FRMPD4: variants seen among roughly 807,000 people sequenced by gnomAD.
The protein encoded by FRMPD4 is FERM and PDZ domain containing 4.
FRMPD4 carries 22 observed loss-of-function variants against 94.1 expected under a neutral mutation model. The ratio of observed to expected loss-of-function variants is 0.23; its 90% CI spans 0.17 to 0.33. The LOEUF (loss-of-function observed/expected upper bound fraction) is 0.33, where lower values mean the gene tolerates loss of function less well. FRMPD4 is among the 10% of genes least tolerant of loss of function. The pLI is 1.00. For synonymous variants in FRMPD4, 631 were observed against 548.6 expected, an observed-to-expected ratio of 1.15 and a Z score of -2.10; for missense variants, 1,111 against 1,339.9, an observed-to-expected ratio of 0.83 and a Z score of 2.67.
At chrX:12,204,651 A>G (rs1057493062) in intron 1 of FRMPD4, among the ~76,000 whole-genome samples, 25 of 97,341 alleles carry the variant, frequency 2.6e-4, no homozygotes, top group African/African-American at 8.7e-4. Context: ...CTCCTTTTCC[A>G]GAGTCTCATC....
chrX:12,111,663 A>T (rs1192152562), intron 3 of FRMPD4, among the ~76,000 whole-genome samples: 2 of 111,886 alleles, frequency 1.8e-5, no homozygotes, highest in Non-Finnish European at 3.8e-5. Context: ...ATTTTTGCAA[A>T]CTACTCATCT....
At chrX:11,941,151 G>A (rs2054157573) in intron 3 of FRMPD4, among the ~76,000 whole-genome samples, 1 of 49,324 alleles carries the variant, frequency 2.0e-5, no homozygotes, top group Non-Finnish European at 4.2e-5. Flanking sequence ...TTCGGCTCGC[G>A]CACGGTGCGC....
At chrX:12,707,705 T>C (rs2041905327) in intron 13 of FRMPD4, 54 bp downstream of exon 13, 2 of 948,354 alleles carry the variant, frequency 2.1e-6, no homozygotes, top group Non-Finnish European at 3.0e-6. Context: ...TAATTTCTGA[T>C]AACACTGCAG....
chrX:11,914,801 T>C (rs2054015908), intron 3 of FRMPD4, among the ~76,000 whole-genome samples: 1 of 112,209 alleles, frequency 8.9e-6, no homozygotes, highest in Admixed American at 9.4e-5. Context: ...TTATTCTCTG[T>C]GTACTGTTCT....
chrX:12,059,768 T>C (rs1258912002), intron 3 of FRMPD4, among the ~76,000 whole-genome samples: 1 of 111,516 alleles, frequency 9.0e-6, no homozygotes, highest in Non-Finnish European at 1.9e-5. Context: ...TGCATCCATG[T>C]TGCTGCAAAG....
intron 3 of FRMPD4, among the ~76,000 whole-genome samples, chrX:12,115,968 C>G (rs2055405460): frequency 8.9e-6 from 1 of 112,102 alleles, no homozygotes; most frequent in Non-Finnish European, 1.9e-5. Context: ...TGGCCTGTTG[C>G]CACTAACATC....
At chrX:12,360,198 G>A (rs1327550564) in intron 1 of FRMPD4, among the ~76,000 whole-genome samples, 1 of 111,955 alleles carries the variant, frequency 8.9e-6, no homozygotes, top group Non-Finnish European at 1.9e-5. Flanking sequence ...TGATATTTTA[G>A]GTTATGGACC....
intron 1 of FRMPD4, among the ~76,000 whole-genome samples, chrX:12,427,313 A>G (rs2056956801): frequency 9.0e-6 from 1 of 111,205 alleles, no homozygotes; most frequent in Admixed American, 9.6e-5. Flanking sequence ...CTCTCAGGGA[A>G]AAAAACAGTC....
intron 3 of FRMPD4, among the ~76,000 whole-genome samples, chrX:11,974,769 G>A (rs2054358761): frequency 1.8e-5 from 2 of 111,649 alleles, no homozygotes; most frequent in Non-Finnish European, 3.8e-5. Context: ...TGAAAGGAGG[G>A]CTTGTGGCTG....
intron 1 of FRMPD4, among the ~76,000 whole-genome samples, chrX:12,208,858 C>G (rs2056725435): frequency 9.0e-6 from 1 of 111,589 alleles, no homozygotes; most frequent in Non-Finnish European, 1.9e-5. Context: ...TGGAATAATT[C>G]AATTGGAGAT....
At chrX:12,558,535 T>C (rs918145530) in intron 2 of FRMPD4, among the ~76,000 whole-genome samples, 4 of 112,632 alleles carry the variant, frequency 3.6e-5, no homozygotes, top group African/African-American at 1.3e-4. Context: ...CAGGAAGTGA[T>C]CTGACTTTAA....
At chrX:11,883,545 T>C (rs1368495693) in intron 3 of FRMPD4, among the ~76,000 whole-genome samples, 1 of 111,737 alleles carries the variant, frequency 8.9e-6, no homozygotes, top group African/African-American at 3.3e-5. Context: ...GTAGATCTAG[T>C]CCCTGTTCTG....
intron 3 of FRMPD4, among the ~76,000 whole-genome samples, chrX:12,112,131 G>A (rs1404904836): frequency 1.7e-4 from 19 of 111,647 alleles, no homozygotes; most frequent in Admixed American, 1.0e-3. Context: ...TGTTTATTGC[G>A]GCACTATTCA....
At chrX:12,346,398 T>C (rs1422680907) in intron 1 of FRMPD4, among the ~76,000 whole-genome samples, 3 of 111,417 alleles carry the variant, frequency 2.7e-5, no homozygotes, top group Non-Finnish European at 5.7e-5. Flanking sequence ...CTGAGCATAG[T>C]GGGCTTAGAA....
chrX:12,168,784 C>T (rs1048928884), intron 1 of FRMPD4, among the ~76,000 whole-genome samples: 1 of 109,413 alleles, frequency 9.1e-6, no homozygotes, highest in Non-Finnish European at 1.9e-5. Context: ...CACCACCACG[C>T]CTGGCTAATT....
At chrX:12,592,730 T>C (rs1429838352) in intron 2 of FRMPD4, among the ~76,000 whole-genome samples, 1 of 112,291 alleles carries the variant, frequency 8.9e-6, no homozygotes, top group Admixed American at 9.4e-5. Flanking sequence ...TTTCATGCCT[T>C]ATTTATAGGT....
chrX:11,878,820 T>C (rs1454237204), intron 3 of FRMPD4, among the ~76,000 whole-genome samples: 1 of 112,064 alleles, frequency 8.9e-6, no homozygotes, highest in African/African-American at 3.2e-5. Flanking sequence ...TATAAATTTG[T>C]TTAGATGATA....
At chrX:12,266,534 G>A (rs2054279717) in intron 1 of FRMPD4, among the ~76,000 whole-genome samples, 1 of 111,499 alleles carries the variant, frequency 9.0e-6, no homozygotes, top group South Asian at 3.8e-4. Context: ...TAGCATTTCT[G>A]CCTCATTCTA....
intron 2 of FRMPD4, among the ~76,000 whole-genome samples, chrX:12,541,026 G>A (rs2058404386): frequency 8.9e-6 from 1 of 111,909 alleles, no homozygotes; most frequent in Non-Finnish European, 1.9e-5. Context: ...AAATAAAGAT[G>A]TTCTTTGAAA....
Sources: allele counts gnomAD v4.1 joint callset (sites outside exome capture counted in the v4.1 genomes callset), GRCh38; gene constraint gnomAD v4.1.1; transcripts MANE v1.5; gene names NCBI Gene and HGNC (gene_info 2026-07-23, HGNC 2026-07-21).